Variants in FBXO11 observed in about 807,000 individuals in gnomAD.
FBXO11 encodes F-box protein 11, also known as F-box only protein 11.
In FBXO11, 13 loss-of-function variants were observed where a neutral mutation model predicts 117.0. The observed-to-expected ratio is 0.11, with a 90% confidence interval of 0.07 to 0.18. The LOEUF is 0.18. Among genes scored for constraint, FBXO11 ranks in the 10% least tolerant of loss-of-function variants. The pLI, the probability that FBXO11 is intolerant of heterozygous loss-of-function variation, is 1.00. For synonymous variants in FBXO11, 490 were observed against 380.5 expected (o/e 1.29, Z -3.35); for missense variants, 767 against 1,164.4 (o/e 0.66, Z 4.97).
chr2:47,852,968 A>G (rs1050206652), intron 1 of FBXO11, among the ~76,000 whole-genome samples: 3 of 152,156 alleles, frequency 2.0e-5, no homozygotes, highest in Non-Finnish European at 4.4e-5. Flanking sequence ...CTGTTATACA[A>G]TTAATTTTGC....
chr2:47,839,089 A>G (rs1211281124), intron 3 of FBXO11, 86 bp from the exon 4 acceptor site: 8 of 1,390,008 alleles, frequency 5.8e-6, no homozygotes, highest in Non-Finnish European at 7.8e-6. Flanking sequence ...TATCTAATGA[A>G]TAGCTTTTTT....
chr2:47,808,728 C>G (rs1024247632), intron 21 of FBXO11: 8 of 332,470 alleles, frequency 2.4e-5, no homozygotes, highest in African/African-American at 1.5e-4. Context: ...AGAGTCAAAA[C>G]TGTCACAGTG....
chr2:47,807,161 G>C lies in FBXO11; in HGVS notation c.*957C>G. The C allele has an allele frequency of 3.2e-6, 1 of 307,888 alleles. No homozygotes were observed. The highest frequency in any genetic ancestry group is 6.0e-6 in the Non-Finnish European group (1 of 165,784). 19.1% of individuals were successfully genotyped at this position (307,888 alleles called of 1,614,324 possible). A position where few individuals can be genotyped will look rare whatever the true frequency, so the allele number is the denominator to read the frequency against. ...ACTGTATAGGGCTGTATATATACTT[G>C]TCTCAGCTTAATGCAGGAAATTGGT... On this transcript the variant is annotated 3_prime_UTR_variant, in exon 23 of 23. Coordinates refer to ENST00000403359, the MANE Select transcript of FBXO11 (RefSeq NM_001190274.2).
At chr2:47,890,248 T>C (rs988054027) in intron 1 of FBXO11, among the ~76,000 whole-genome samples, 2 of 152,162 alleles carry the variant, frequency 1.3e-5, no homozygotes, top group Non-Finnish European at 2.9e-5. Flanking sequence ...ACTGCAGGCA[T>C]GAGCCATGGT....
intron 1 of FBXO11, among the ~76,000 whole-genome samples, chr2:47,900,547 AGTATATACAC>A (rs1678033100): frequency 7.9e-6 from 1 of 125,908 alleles, no homozygotes; most frequent in African/African-American, 2.8e-5. Flanking sequence ...TCGAGAAAAA[AGTATATACAC>A]GTATATATAC....
intron 4 of FBXO11, among the ~76,000 whole-genome samples, chr2:47,837,983 T>C (rs1439453587): frequency 4.0e-5 from 6 of 151,206 alleles, no homozygotes; most frequent in Non-Finnish European, 8.8e-5. Context: ...CCCAGCACTT[T>C]GGGCGGCCGA....
chr2:47,880,265 C>G (rs929631892), intron 1 of FBXO11, among the ~76,000 whole-genome samples: 1 of 152,052 alleles, frequency 6.6e-6, no homozygotes, highest in Non-Finnish European at 1.5e-5. Context: ...CCAGAGTGCC[C>G]TGAGAGTGTT....
intron 13 of FBXO11, 86 bp from the exon 14 acceptor site, chr2:47,820,542 C>G: frequency 2.1e-6 from 2 of 974,232 alleles, no homozygotes; most frequent in Non-Finnish European, 3.1e-6. Flanking sequence ...GGTTAAAATT[C>G]TTACACTAGA....
Position 47,833,030 on chromosome 2 carries a change from A to G in FBXO11, c.975T>C (p.Thr325=). The change falls in exon 8 of 23, where the codon ACT becomes ACC. Residue 325 remains threonine (T), a synonymous_variant. Coordinates refer to ENST00000403359, the MANE Select transcript of FBXO11 (RefSeq NM_001190274.2). ...CCATAAAAACGAAGGTTGAATCTCT[A>G]GTGTTTTCAATTATAACTTTGTCTG... ...KVADKVIIEN[T]RDSTFVFMEG... 6.2e-7 allele frequency: 1 copy of G among 1,613,682 alleles called. No homozygotes were observed. The highest frequency in any genetic ancestry group is 8.5e-7 in the Non-Finnish European group (1 of 1,179,768).
intron 14 of FBXO11, among the ~76,000 whole-genome samples, chr2:47,819,464 T>C (rs577378580): frequency 6.0e-4 from 91 of 152,332 alleles, no homozygotes; most frequent in African/African-American, 1.9e-3. Context: ...TCCACCCGCG[T>C]TGGCCTCCCA....
intron 1 of FBXO11, among the ~76,000 whole-genome samples, chr2:47,884,379 T>C (rs548062264): frequency 2.6e-5 from 4 of 152,344 alleles, no homozygotes; most frequent in East Asian, 3.9e-4. Flanking sequence ...GATTTACCTT[T>C]TGAACTTCAA....
At chr2:47,863,064 A>C (rs570447981) in intron 1 of FBXO11, among the ~76,000 whole-genome samples, 10,833 of 151,448 alleles carry the variant, frequency 0.072, 590 homozygotes, top group Non-Finnish European at 0.11. Flanking sequence ...TCAAAAAAAA[A>C]AAAAAAACAA....
chr2:47,842,717 T>G (rs1363902156), intron 1 of FBXO11, among the ~76,000 whole-genome samples: 1 of 151,752 alleles, frequency 6.6e-6, no homozygotes, highest in African/African-American at 2.4e-5. Flanking sequence ...TTATTTCATT[T>G]AAATATTATT....
At chr2:47,878,132 A>G (rs1676146909) in intron 1 of FBXO11, among the ~76,000 whole-genome samples, 1 of 152,156 alleles carries the variant, frequency 6.6e-6, no homozygotes, top group Non-Finnish European at 1.5e-5. Flanking sequence ...CATATCCCTA[A>G]GCAACAATCA....
chr2:47,891,973 T>C (rs1369780653), intron 1 of FBXO11, among the ~76,000 whole-genome samples: 2 of 152,224 alleles, frequency 1.3e-5, no homozygotes, highest in Non-Finnish European at 2.9e-5. Context: ...TATTAGTTTT[T>C]CTGCCACTAA....
chr2:47,847,528 G>T (rs761726631), intron 1 of FBXO11, among the ~76,000 whole-genome samples: 1 of 152,004 alleles, frequency 6.6e-6, no homozygotes, highest in Non-Finnish European at 1.5e-5. Context: ...GGTCAACATG[G>T]TGAAACTCTG....
intron 20 of FBXO11, 31 bp downstream of exon 20, chr2:47,809,569 A>G (rs377488125): frequency 8.3e-6 from 12 of 1,453,340 alleles, no homozygotes; most frequent in Admixed American, 1.8e-5. Context: ...CATATTGCAT[A>G]TATTTATAGG....
At chr2:47,819,151 A>C in intron 14 of FBXO11, 73 bp from the exon 15 acceptor site, 2 of 1,454,876 alleles carry the variant, frequency 1.4e-6, no homozygotes, top group Non-Finnish European at 1.9e-6. Flanking sequence ...TACCCCCTTT[A>C]TAGACAGTTA....
rs534072102 is a variant in FBXO11 at position 47,896,319 on chromosome 2, T to C, written c.232+9170A>G. Among the ~76,000 whole-genome samples, 41 of 146,908 alleles carry C rather than the reference T, an allele frequency of 2.8e-4. No individual in the cohort carries two copies. The Middle Eastern group carries it at 0.01, about 37-fold the overall frequency. ...CCTACCCGAAAGATCTTTCTCCAAA[T>C]TGTTTCTTTTCTTTTTTTTTTTTTT... On this transcript the variant is annotated intron_variant, in intron 1 of 22. Transcript: ENST00000403359.
Sources: allele counts gnomAD v4.1 joint callset (sites outside exome capture counted in the v4.1 genomes callset), GRCh38; gene constraint gnomAD v4.1.1; transcripts MANE v1.5; gene names NCBI Gene and HGNC (gene_info 2026-07-23, HGNC 2026-07-21).